Variants in ARB2A observed in about 807,000 individuals in gnomAD.
The protein encoded by ARB2A is cotranscriptional regulator ARB2A.
the ARB2A span, chr5:93,863,184 G>A: frequency 6.6e-6 from 1 of 152,032 alleles, no homozygotes; most frequent in Admixed American, 6.6e-5. Context: ...TGAAGCCAAA[G>A]GAAACCCAGC....
At chr5:94,018,854 G>C in the ARB2A span, among the ~76,000 whole-genome samples, 2 of 151,956 alleles carry the variant, frequency 1.3e-5, no homozygotes. Context: ...ATATAGCCAA[G>C]ACAATCCTAA....
the ARB2A span, among the ~76,000 whole-genome samples, chr5:93,904,758 T>G: frequency 6.6e-6 from 1 of 151,800 alleles, no homozygotes; most frequent in African/African-American, 2.4e-5. Context: ...ATAACACCTT[T>G]TATATTAGGA....
the ARB2A span, among the ~76,000 whole-genome samples, chr5:94,085,357 A>C: frequency 6.6e-6 from 1 of 152,358 alleles, no homozygotes; most frequent in South Asian, 2.1e-4. Context: ...GGAAGTTCTC[A>C]ATCAAGTTCA....
At chr5:93,790,868 A>T in the ARB2A span, among the ~76,000 whole-genome samples, 3 of 152,322 alleles carry the variant, frequency 2.0e-5, no homozygotes, top group South Asian at 6.2e-4. Flanking sequence ...TTAGATTTTT[A>T]TTTTTGGTTA....
At chr5:93,638,915 C>T in the ARB2A span, among the ~76,000 whole-genome samples, 1 of 152,034 alleles carries the variant, frequency 6.6e-6, no homozygotes, top group African/African-American at 2.4e-5. Flanking sequence ...AAAAAATTAT[C>T]TGTAGATTTT....
At chr5:93,912,004 T>C in the ARB2A span, among the ~76,000 whole-genome samples, 1 of 151,776 alleles carries the variant, frequency 6.6e-6, no homozygotes, top group South Asian at 2.1e-4. Flanking sequence ...ACTTCAGCTG[T>C]TATACTCAAT....
chr5:93,664,296 G>C, the ARB2A span, among the ~76,000 whole-genome samples: 1 of 151,918 alleles, frequency 6.6e-6, no homozygotes, highest in Non-Finnish European at 1.5e-5. Context: ...GGTGAGGCTG[G>C]TCTCAAACTC....
chr5:93,806,951 T>A, the ARB2A span, among the ~76,000 whole-genome samples: 1 of 151,946 alleles, frequency 6.6e-6, no homozygotes, highest in Non-Finnish European at 1.5e-5. Context: ...CCATTATGAA[T>A]TATGGTAGCA....
At chr5:94,048,419 C>T in the ARB2A span, among the ~76,000 whole-genome samples, 1 of 152,084 alleles carries the variant, frequency 6.6e-6, no homozygotes, top group African/African-American at 2.4e-5. Flanking sequence ...GTTATAAATG[C>T]TGTAGAACAC....
chr5:93,759,631 A>G, the ARB2A span, among the ~76,000 whole-genome samples: 393 of 152,356 alleles, frequency 2.6e-3, 2 homozygotes, highest in Middle Eastern at 3.4e-3. Flanking sequence ...CATAAACAGA[A>G]TTAAAAACAA....
At chr5:94,092,650 T>TA in the ARB2A span, among the ~76,000 whole-genome samples, 1 of 152,222 alleles carries the variant, frequency 6.6e-6, no homozygotes, top group Non-Finnish European at 1.5e-5. Flanking sequence ...ATATTATACT[T>TA]AGTTCCTCAA....
the ARB2A span, among the ~76,000 whole-genome samples, chr5:93,844,301 A>C: frequency 6.6e-6 from 1 of 151,930 alleles, no homozygotes; most frequent in African/African-American, 2.4e-5. Flanking sequence ...AAAATTAGCC[A>C]GGTGTGGTGG....
At chr5:93,651,805 A>G in the ARB2A span, among the ~76,000 whole-genome samples, 53 of 152,302 alleles carry the variant, frequency 3.5e-4, no homozygotes, top group African/African-American at 1.2e-3. Context: ...AGGTTATTAT[A>G]CTGGTGGAAT....
the ARB2A span, among the ~76,000 whole-genome samples, chr5:93,870,876 C>G: frequency 1.1e-4 from 16 of 152,316 alleles, no homozygotes; most frequent in African/African-American, 3.6e-4. Context: ...AAAGCACTTG[C>G]ATACCAAACT....
the ARB2A span, among the ~76,000 whole-genome samples, chr5:93,848,202 G>A: frequency 6.6e-6 from 1 of 152,074 alleles, no homozygotes; most frequent in South Asian, 2.1e-4. Flanking sequence ...GGTCAACATG[G>A]TGAAACCCCG....
the ARB2A span, among the ~76,000 whole-genome samples, chr5:93,703,608 A>G: frequency 2.9e-4 from 44 of 152,216 alleles, no homozygotes; most frequent in Non-Finnish European, 5.6e-4. Flanking sequence ...GCAGAATGGA[A>G]GGTAAAACTA....
the ARB2A span, among the ~76,000 whole-genome samples, chr5:94,108,984 A>C: frequency 6.6e-6 from 1 of 152,378 alleles, no homozygotes; most frequent in East Asian, 1.9e-4. Context: ...TCATGTTCAT[A>C]GCAGCATTAT....
chr5:93,740,292 A>G, the ARB2A span: 2 of 311,678 alleles, frequency 6.4e-6, no homozygotes, highest in Non-Finnish European at 1.2e-5. Flanking sequence ...TATTTAATAA[A>G]AAAAGGAACA....
chr5:93,874,853 T>C, the ARB2A span, among the ~76,000 whole-genome samples: 2 of 152,142 alleles, frequency 1.3e-5, no homozygotes, highest in Non-Finnish European at 2.9e-5. Context: ...AGAAAGATAC[T>C]GAAAGGTACA....
Sources: allele counts gnomAD v4.1 joint callset (sites outside exome capture counted in the v4.1 genomes callset), GRCh38; gene constraint gnomAD v4.1.1; transcripts MANE v1.5; gene names NCBI Gene and HGNC (gene_info 2026-07-23, HGNC 2026-07-21).